Variants in CAPZB observed in about 807,000 individuals in gnomAD.
CAPZB encodes capping actin protein of muscle Z-line subunit beta.
CAPZB carries 2 observed loss-of-function variants against 38.1 expected under a neutral mutation model. The observed-to-expected ratio is 0.05, with a 90% CI of 0.02 to 0.17. The LOEUF is 0.17. Among genes scored for constraint, CAPZB ranks in the 10% least tolerant of loss-of-function variants. The pLI, the probability that CAPZB is intolerant of heterozygous loss-of-function variation, is 1.00. For synonymous variants in CAPZB, 107 were observed against 127.4 expected, an observed-to-expected ratio of 0.84 and a Z score of 1.08; for missense variants, 161 against 334.2, an observed-to-expected ratio of 0.48 and a Z score of 4.04.
At chr1:19,467,056 G>A (rs2094571348) in intron 1 of CAPZB, among the ~76,000 whole-genome samples, 2 of 134,712 alleles carry the variant, frequency 1.5e-5, no homozygotes. Context: ...ATCACACCCA[G>A]CTTTTATTTA....
intron 4 of CAPZB, among the ~76,000 whole-genome samples, chr1:19,366,058 G>A (rs552238205): frequency 1.3e-5 from 2 of 151,448 alleles, no homozygotes; most frequent in South Asian, 4.2e-4. Context: ...GATTCCACGA[G>A]TCTTTCTTCT....
chr1:19,371,346 C>G (rs945640180), intron 4 of CAPZB, among the ~76,000 whole-genome samples: 1 of 152,234 alleles, frequency 6.6e-6, no homozygotes, highest in Non-Finnish European at 1.5e-5. Flanking sequence ...GTAAGATGCA[C>G]GTACAGATAC....
intron 6 of CAPZB, among the ~76,000 whole-genome samples, chr1:19,349,282 T>C (rs2093978882): frequency 6.6e-6 from 1 of 152,118 alleles, no homozygotes; most frequent in Non-Finnish European, 1.5e-5. Flanking sequence ...GTGGTTACTG[T>C]GCCTAGGCTC....
intron 1 of CAPZB, among the ~76,000 whole-genome samples, chr1:19,478,794 A>G (rs1488833718): frequency 6.6e-6 from 1 of 152,180 alleles, no homozygotes; most frequent in African/African-American, 2.4e-5. Context: ...AAAAATCACT[A>G]AAGGGAGCAT....
At position 19,473,864 on chromosome 1, in the gene CAPZB, T is replaced by TA. The variant is rs557967708; in HGVS notation, c.3+11571dup. Among the ~76,000 whole-genome samples, 62 of 152,018 alleles carry TA rather than the reference T, an allele frequency of 4.1e-4. 1 individual carries two copies. The highest frequency in any genetic ancestry group is 1.4e-3 in the African/African-American group (57 of 41,494). Reference sequence around the variant, plus strand: ...AGGCAAAGAGAATGAAATTCTGTCTTAAAAAAAAGAGAGAGATTTTTAGAC... The same window carrying TA: ...AGGCAAAGAGAATGAAATTCTGTCTTAAAAAAAAAGAGAGAGATTTTTAGAC... On this transcript the variant is annotated intron_variant, in intron 1 of 8. Transcript: ENST00000264202.
intron 1 of CAPZB, among the ~76,000 whole-genome samples, chr1:19,456,441 TCA>T (rs1297521647): frequency 6.6e-6 from 1 of 152,236 alleles, no homozygotes; most frequent in East Asian, 1.9e-4. Context: ...ATCTCTGGTT[TCA>T]CACAGAGACT....
chr1:19,341,264 C>T (rs2100220066), intron 8 of CAPZB, among the ~76,000 whole-genome samples: 1 of 152,300 alleles, frequency 6.6e-6, no homozygotes, highest in South Asian at 2.1e-4. Context: ...CCCCCAGGCT[C>T]CAAATCTCAG....
At chr1:19,349,608 C>T (rs1032316421) in intron 6 of CAPZB, among the ~76,000 whole-genome samples, 3 of 152,308 alleles carry the variant, frequency 2.0e-5, no homozygotes, top group Middle Eastern at 3.4e-3. Flanking sequence ...TTAAAACAAA[C>T]AGGCGAAACC....
chr1:19,476,715 C>G (rs747095312), intron 1 of CAPZB, among the ~76,000 whole-genome samples: 3 of 152,248 alleles, frequency 2.0e-5, no homozygotes, highest in Non-Finnish European at 4.4e-5. Context: ...GCCCTTTCAG[C>G]TGAGTGGCTA....
rs943740172 is a variant in CAPZB at position 19,345,092 on chromosome 1, AAGC to A, written c.654+92_654+94del. 98 of 938,924 alleles carry A rather than the reference AAGC, an allele frequency of 1.0e-4. 1 individual carries two copies. The highest frequency in any genetic ancestry group is 1.9e-5 in the Admixed American group (1 of 53,148). 58.2% of individuals were successfully genotyped at this position (938,924 alleles called of 1,614,324 possible). ...TGCCGGCTGCGGTGGAGCTGAGAGA[AAGC>A]AGCAGAGAAGGAGGCCAGCACAGCG... On this transcript the variant is annotated intron_variant, in intron 7 of 8. Transcript: ENST00000264202.
chr1:19,358,119 G>A (rs1246923970), intron 4 of CAPZB, among the ~76,000 whole-genome samples: 27 of 152,132 alleles, frequency 1.8e-4, no homozygotes, highest in Non-Finnish European at 4.4e-5. Flanking sequence ...CCTCAAATCC[G>A]ACGCAATGCA....
chr1:19,367,719 G>A (rs1164637958), intron 4 of CAPZB, among the ~76,000 whole-genome samples: 1 of 152,216 alleles, frequency 6.6e-6, no homozygotes, highest in Admixed American at 6.5e-5. Flanking sequence ...GCTTAGGCAT[G>A]TGCGACTTTA....
intron 1 of CAPZB, among the ~76,000 whole-genome samples, chr1:19,479,822 T>C (rs1190583998): frequency 6.6e-6 from 1 of 152,200 alleles, no homozygotes; most frequent in African/African-American, 2.4e-5. Context: ...CCAGATCTAA[T>C]GCAAACTCCT....
chr1:19,395,364 C>T (rs2094261347), intron 2 of CAPZB, among the ~76,000 whole-genome samples: 1 of 152,198 alleles, frequency 6.6e-6, no homozygotes, highest in African/African-American at 2.4e-5. Context: ...GGTAAGTCCC[C>T]TCCATCTCTT....
chr1:19,484,117 G>C (rs540171891), intron 1 of CAPZB: 1 of 1,508,476 alleles, frequency 6.6e-7, no homozygotes, highest in Non-Finnish European at 9.0e-7. Context: ...CAAAAGTCTG[G>C]ATAGCATCTG....
chr1:19,346,265 AAG>A (rs1191176834), intron 6 of CAPZB, among the ~76,000 whole-genome samples: 2 of 152,086 alleles, frequency 1.3e-5, no homozygotes, highest in Non-Finnish European at 2.9e-5. Context: ...ATAATCAAGA[AAG>A]AGGAAGAAAA....
chr1:19,368,051 C>T (rs1412930475), intron 4 of CAPZB, among the ~76,000 whole-genome samples: 1 of 152,166 alleles, frequency 6.6e-6, no homozygotes, highest in African/African-American at 2.4e-5. Context: ...CCAAAGCTGC[C>T]ATTGTTGAGA....
At chr1:19,429,385 T>A (rs779951607) in intron 1 of CAPZB, among the ~76,000 whole-genome samples, 1 of 152,216 alleles carries the variant, frequency 6.6e-6, no homozygotes, top group Non-Finnish European at 1.5e-5. Flanking sequence ...TGACACTATA[T>A]GAAGATTACT....
intron 6 of CAPZB, among the ~76,000 whole-genome samples, chr1:19,350,517 GGAAA>G (rs2093986013): frequency 6.6e-6 from 1 of 152,252 alleles, no homozygotes; most frequent in African/African-American, 2.4e-5. Flanking sequence ...GGCTTCCCAG[GGAAA>G]GTTACGGTTG....
Sources: gnomAD v4.1 joint callset for allele counts (sites outside exome capture counted in the v4.1 genomes callset) on GRCh38, gnomAD v4.1.1 for gene constraint, MANE v1.5 for transcripts, NCBI Gene and HGNC (gene_info 2026-07-23, HGNC 2026-07-21) for gene names.